The following TIGAR variants were observed in gnomAD, a reference collection of about 807,000 sequenced individuals.
TIGAR encodes TP53 induced glycolysis regulatory phosphatase.
A neutral mutation model predicts 17.9 loss-of-function variants in TIGAR; 7 were observed. The observed-to-expected ratio is 0.39, with a 90% confidence interval of 0.22 to 0.73. The LOEUF is 0.73. TIGAR is among the 30% of genes least tolerant of loss of function. The pLI is 0.42. For synonymous variants in TIGAR, 94 were observed against 108.6 expected (o/e 0.87, Z 0.84); for missense variants, 258 against 327.4 (o/e 0.79, Z 1.64).
chr12:4,337,195 C>G, intron 3 of TIGAR, 35 bp downstream of exon 3: 1 of 1,532,988 alleles, frequency 6.5e-7, no homozygotes, highest in Non-Finnish European at 9.0e-7. Flanking sequence ...TGAGACAGAG[C>G]GTCACTCTAT....
rs774554907 is a variant in TIGAR, at chr12:4,337,155, A to G, written c.187A>G (p.Lys63Glu). 23 of 1,603,270 alleles carry G rather than the reference A, an allele frequency of 1.4e-5. No individual in the cohort carries two copies. The highest frequency in any genetic ancestry group is 1.9e-5 in the Non-Finnish European group (22 of 1,171,844). Residue 63 changes from lysine to glutamate, a missense_variant, in exon 3 of 6, where the codon AAG becomes GAG. Physicochemically the swap from Lys to Glu is moderately conservative, Grantham distance 56. Transcript: ENST00000179259. ...HAFSSDLMRT[K>E]QTMHGILERS... is the part of the protein sequence containing the mutation. ...TTTCTCCAGTGATCTCATGAGGACA[A>G]AGCAGGTACATTTATTTATTTATTT...
chr12:4,348,929 CTA>C (rs1160020076), intron 3 of TIGAR, among the ~76,000 whole-genome samples: 5 of 152,220 alleles, frequency 3.3e-5, no homozygotes, highest in African/African-American at 1.2e-4. Context: ...TTTAAAATAA[CTA>C]TATTTTTGTA....
In TIGAR at chr12:4,352,377, G is replaced by A. The variant is rs1864846433; in HGVS notation, c.499G>A (p.Ala167Thr). ...SPSNCLETSL[A>T]EIFPLGKNHS... ...AAGCAACTGTCTGGAAACTTCTTTG[G>A]CAGAGATATTTCCTTTAGGAAAAAA... Residue 167 changes from alanine to threonine, a missense_variant, in exon 6 of 6, where the codon GCA (alanine) becomes ACA (threonine). Physicochemically the swap from Ala to Thr is moderately conservative, Grantham distance 58. Transcript: ENST00000179259. The A allele has an allele frequency of 2.5e-6, 4 of 1,613,992 alleles. No individual in the cohort carries two copies. The highest frequency in any genetic ancestry group is 1.3e-5 in the African/African-American group (1 of 74,890).
intron 2 of TIGAR, among the ~76,000 whole-genome samples, chr12:4,336,488 A>T (rs979678000): frequency 1.3e-5 from 2 of 149,072 alleles, no homozygotes; most frequent in African/African-American, 4.9e-5. Context: ...ACACACACAC[A>T]CACACACTCA....
chr12:4,321,652 T>C lies in TIGAR; in HGVS notation c.32+349T>C, dbSNP rs1864479058. Among the ~76,000 whole-genome samples, 1 of 152,182 alleles carries C rather than the reference T, an allele frequency of 6.6e-6. No homozygotes were observed. Among genetic ancestry groups the C allele is most frequent in the African/African-American group, 2.4e-5 (1 of 41,452 alleles). On this transcript the variant is annotated intron_variant, in intron 1 of 5. Coordinates refer to ENST00000179259, the MANE Select transcript of TIGAR (RefSeq NM_020375.3). This position sits in a 1 kb window ranked among gnomAD's most constrained non-coding sequence, Gnocchi z 5.2. ...AGACTTGTCTGGGTACCGATTTTGC[T>C]CCCCAGCAGATTGCAAAGAGTTTGC...
chr12:4,343,078 G>T (rs1043821394), intron 3 of TIGAR, among the ~76,000 whole-genome samples: 2 of 152,150 alleles, frequency 1.3e-5, no homozygotes, highest in Admixed American at 6.5e-5. Flanking sequence ...AAAGGCAGGG[G>T]TTGCAGTTCT....
chr12:4,352,753 T>C lies in TIGAR; in HGVS notation c.*62T>C, dbSNP rs1864851397. 7.4e-6 allele frequency: 11 copies of C among 1,480,116 alleles called. No homozygotes were observed. The South Asian group carries it at 1.3e-4, about 17-fold the overall frequency. 91.7% of individuals were successfully genotyped at this position (1,480,116 alleles called of 1,614,324 possible). A position where few individuals can be genotyped will look rare whatever the true frequency, so the allele number is the denominator to read the frequency against. ...TCTGAAGGGAGTGCCATTGGCTTTA[T>C]TTACTTCTCTCCTCTGCTAGTTCTG... On this transcript the variant is annotated 3_prime_UTR_variant, in exon 6 of 6. Transcript: ENST00000179259.
Position 4,351,304 on chromosome 12 carries a change from T to G in TIGAR, c.308T>G (p.Leu103Arg). Residue 103 changes from leucine to arginine, a missense_variant, in exon 5 of 6, where the codon CTG becomes CGG. Transcript: ENST00000179259. ...GTAGAAGGCAAAGCGCTAAGTGAGC[T>G]GAGGGCCATGGCCAAAGCAGCCAGG... ...GVVEGKALSE[L>R]RAMAKAAREE... 6.2e-7 allele frequency: 1 copy of G among 1,614,220 alleles called. No homozygotes were observed.
chr12:4,344,646 G>T (rs529652880), intron 3 of TIGAR, among the ~76,000 whole-genome samples: 113 of 152,262 alleles, frequency 7.4e-4, no homozygotes, highest in African/African-American at 2.6e-3. Flanking sequence ...CTCAATAGAT[G>T]CAGAAAAGGC....
chr12:4,333,572 G>A (rs1034890885), intron 2 of TIGAR, among the ~76,000 whole-genome samples: 2 of 152,066 alleles, frequency 1.3e-5, no homozygotes, highest in African/African-American at 2.4e-5. Context: ...GGGTTCAAGC[G>A]ATTCTCCTGT....
intron 1 of TIGAR, among the ~76,000 whole-genome samples, chr12:4,328,344 A>C (rs571073554): frequency 1.3e-5 from 2 of 151,756 alleles, no homozygotes; most frequent in Admixed American, 1.3e-4. Context: ...GGTGCCTGCC[A>C]CCACGCCTGG....
intron 3 of TIGAR, among the ~76,000 whole-genome samples, chr12:4,349,509 C>T (rs1387975958): frequency 5.3e-5 from 8 of 152,060 alleles, no homozygotes; most frequent in Admixed American, 5.2e-4. Flanking sequence ...CCTCCGCCTC[C>T]CAGGTTCAAG....
At position 4,354,409 on chromosome 12, in the gene TIGAR, A is replaced by G. The variant is rs1591667317; in HGVS notation, c.*1718A>G. On this transcript the variant is annotated 3_prime_UTR_variant, in exon 6 of 6. Coordinates refer to ENST00000179259, the MANE Select transcript of TIGAR (RefSeq NM_020375.3). ...AAAGATAAAAGTAGAGTTCTCTTTA[A>G]CCAGCTCTCACAGTCCTGTTCCCTC... 1 of 152,078 alleles carries G rather than the reference A, an allele frequency of 6.6e-6. No individual in the cohort carries two copies. Among genetic ancestry groups the G allele is most frequent in the African/African-American group, 2.4e-5 (1 of 41,360 alleles). 9.4% of individuals were successfully genotyped at this position (152,078 alleles called of 1,614,324 possible).
intron 1 of TIGAR, among the ~76,000 whole-genome samples, chr12:4,330,387 C>G (rs748247853): frequency 3.3e-5 from 5 of 152,130 alleles, no homozygotes; most frequent in Non-Finnish European, 2.9e-5. Flanking sequence ...GGTGGTGTAA[C>G]CTGCTATGAC....
rs764003646 is a variant in TIGAR at position 4,337,031 on chromosome 12, T to C, written c.71-8T>C. On this transcript the variant is annotated splice_polypyrimidine_tract_variant and splice_region_variant and intron_variant, in intron 2 of 5. Coordinates refer to ENST00000179259, the MANE Select transcript of TIGAR (RefSeq NM_020375.3). The stretch of plus-strand genomic sequence containing the variant: ...AATGTTATTGTTCCTCTTCTTAATA[T>C]ATCACAGGACAAGGAGTAGATGAAC... 1.9e-6 allele frequency: 3 copies of C among 1,597,518 alleles called. No individual in the cohort carries two copies. Among genetic ancestry groups the C allele is most frequent in the Non-Finnish European group, 1.7e-6 (2 of 1,166,454 alleles).
chr12:4,351,340 C>G lies in TIGAR; in HGVS notation c.344C>G (p.Pro115Arg). 6.2e-7 allele frequency: 1 copy of G among 1,614,160 alleles called. No individual in the cohort carries two copies. The highest frequency in any genetic ancestry group is 1.1e-5 in the South Asian group (1 of 91,084). ...AMAKAAREEC[P>R]VFTPPGGETL... ...GCCAAAGCAGCCAGGGAAGAGTGCC[C>G]TGTGTTTACACCGCCCGGAGGAGAG... Residue 115 changes from proline to arginine, a missense_variant, in exon 5 of 6, where the codon CCT (proline) becomes CGT (arginine). Transcript: ENST00000179259.
At chr12:4,349,955 T>G in intron 4 of TIGAR, 59 bp downstream of exon 4, 1 of 1,226,988 alleles carries the variant, frequency 8.2e-7, no homozygotes, top group Non-Finnish European at 1.1e-6. Context: ...CCACCTCAGT[T>G]TGTCACTTGG....
rs375369594 is a variant in TIGAR at position 4,352,358 on chromosome 12, C to T, written c.480C>T (p.Asn160=). ...KEQFSQGSPS[N]CLETSLAEIF... ...AGTTTTCCCAAGGATCTCCAAGCAA[C>T]TGTCTGGAAACTTCTTTGGCAGAGA... The change falls in exon 6 of 6, where the codon AAC becomes AAT. Residue 160 remains asparagine (N), a synonymous_variant. Transcript: ENST00000179259. 1.9e-6 allele frequency: 3 copies of T among 1,614,038 alleles called. No homozygotes were observed. The highest frequency in any genetic ancestry group is 1.7e-5 in the Admixed American group (1 of 60,002).
intron 2 of TIGAR, among the ~76,000 whole-genome samples, chr12:4,332,645 A>G (rs1184584042): frequency 6.6e-6 from 1 of 152,180 alleles, no homozygotes; most frequent in Non-Finnish European, 1.5e-5. Flanking sequence ...TTCAATTCCC[A>G]TTGAGTGACT....
Sources: allele counts gnomAD v4.1 joint callset (sites outside exome capture counted in the v4.1 genomes callset), GRCh38; gene constraint gnomAD v4.1.1; non-coding constraint Gnocchi (gnomAD v3.1); transcripts MANE v1.5; gene names NCBI Gene and HGNC (gene_info 2026-07-23, HGNC 2026-07-21).